The following IQCJ variants were observed in gnomAD, a reference collection of about 807,000 sequenced individuals.
IQCJ encodes the protein IQ motif containing J, also known as IQ domain-containing protein J.
In IQCJ, 9 loss-of-function variants were observed where a neutral mutation model predicts 11.0. The ratio of observed to expected loss-of-function variants is 0.82; its 90% confidence interval spans 0.49 to 1.43. The LOEUF (loss-of-function observed/expected upper bound fraction) is 1.43, where lower values mean the gene tolerates loss of function less well. IQCJ is among the 40% of genes most tolerant of loss of function. The pLI, the probability that IQCJ is intolerant of heterozygous loss-of-function variation, is 0.00. For missense variants in IQCJ, 146 were observed against 133.2 expected (o/e 1.10, Z -0.47); for synonymous variants, 55 against 51.3 (o/e 1.07, Z -0.31).
intron 1 of IQCJ, among the ~76,000 whole-genome samples, chr3:159,081,596 A>G (rs1716315602): frequency 6.6e-6 from 1 of 152,040 alleles, no homozygotes; most frequent in Admixed American, 6.6e-5. Context: ...TGAGCACATC[A>G]TTTTTTCAGT....
At chr3:159,194,382 A>C (rs1723860945) in intron 1 of IQCJ, among the ~76,000 whole-genome samples, 1 of 152,194 alleles carries the variant, frequency 6.6e-6, no homozygotes, top group Non-Finnish European at 1.5e-5. Flanking sequence ...ACTGGTAGCC[A>C]TTCTGACTTC....
chr3:159,134,839 T>G (rs949594), intron 1 of IQCJ, among the ~76,000 whole-genome samples: 102,273 of 152,080 alleles, frequency 0.67, 34,545 homozygotes, highest in East Asian at 0.71. Context: ...GGTGAATAAT[T>G]ACCTTATTTA....
chr3:159,129,785 A>G (rs539451198), intron 1 of IQCJ, among the ~76,000 whole-genome samples: 2 of 152,198 alleles, frequency 1.3e-5, no homozygotes, highest in Non-Finnish European at 2.9e-5. Flanking sequence ...ATACAGAGAT[A>G]TCCCCTAGGC....
chr3:159,207,621 A>T (rs1242553146), intron 1 of IQCJ, among the ~76,000 whole-genome samples: 2 of 152,346 alleles, frequency 1.3e-5, no homozygotes, highest in Admixed American at 6.5e-5. Context: ...TAATGGAGTC[A>T]TATTCTCGTA....
In IQCJ at chr3:159,131,089, G is replaced by A. The variant is rs1719960926; in HGVS notation, c.9+61648G>A. 1.3e-5 allele frequency among the ~76,000 whole-genome samples: 2 copies of A among 152,154 alleles called. 1 individual carries two copies. The highest frequency in any genetic ancestry group is 4.1e-4 in the South Asian group (2 of 4,828). On this transcript the variant is annotated intron_variant, in intron 1 of 3. Coordinates refer to ENST00000397832, the MANE Select transcript of IQCJ (RefSeq NM_001042706.3). ...ACAGCAAAGAGCTTGTGAATGTGAG[G>A]TACCACAAGAGCAGCATGGAGGAAT... is the stretch of plus-strand genomic sequence containing the variant.
At chr3:159,252,597 T>G (rs1727664758) in intron 2 of IQCJ, 130 bp from the exon 3 acceptor site, 1 of 836,116 alleles carries the variant, frequency 1.2e-6, no homozygotes, top group Non-Finnish European at 1.7e-6. Flanking sequence ...CAACAGGAAC[T>G]TTAATAAATT....
intron 1 of IQCJ, among the ~76,000 whole-genome samples, chr3:159,146,697 A>G (rs914421744): frequency 1.3e-5 from 2 of 152,246 alleles, no homozygotes; most frequent in African/African-American, 2.4e-5. Context: ...CCACAATATT[A>G]GAATTGGAAA....
intron 1 of IQCJ, among the ~76,000 whole-genome samples, chr3:159,091,156 A>G (rs1717249392): frequency 6.6e-6 from 1 of 151,786 alleles, no homozygotes; most frequent in Non-Finnish European, 1.5e-5. Context: ...CTACAATAAC[A>G]TTGATTAGAA....
intron 1 of IQCJ, among the ~76,000 whole-genome samples, chr3:159,117,260 G>A (rs1488160634): frequency 2.0e-5 from 3 of 152,036 alleles, no homozygotes; most frequent in Admixed American, 1.3e-4. Context: ...CTCTGTCCAG[G>A]TTCTCCTCCA....
chr3:159,171,917 C>A (rs528263015), intron 1 of IQCJ, among the ~76,000 whole-genome samples: 157 of 152,282 alleles, frequency 1.0e-3, no homozygotes, highest in Non-Finnish European at 2.0e-3. Flanking sequence ...GGTCCAAGGA[C>A]AACATTTTGA....
chr3:159,225,807 A>T (rs900179195), intron 1 of IQCJ, among the ~76,000 whole-genome samples: 1 of 152,110 alleles, frequency 6.6e-6, no homozygotes, highest in Non-Finnish European at 1.5e-5. Context: ...GGCTCAATCC[A>T]ACACTACCCC....
At chr3:159,144,989 C>T (rs1720841999) in intron 1 of IQCJ, among the ~76,000 whole-genome samples, 1 of 152,110 alleles carries the variant, frequency 6.6e-6, no homozygotes, top group Admixed American at 6.5e-5. Context: ...TGATCATATT[C>T]TTCTTTTTCC....
intron 1 of IQCJ, among the ~76,000 whole-genome samples, chr3:159,110,885 A>G (rs886150644): frequency 4.6e-5 from 7 of 152,166 alleles, no homozygotes; most frequent in African/African-American, 1.7e-4. Flanking sequence ...CAAACAAAAC[A>G]AAATCCAGTC....
At chr3:159,196,393 A>C (rs1256654299) in intron 1 of IQCJ, among the ~76,000 whole-genome samples, 1 of 152,250 alleles carries the variant, frequency 6.6e-6, no homozygotes, top group African/African-American at 2.4e-5. Flanking sequence ...TACGGCTCCC[A>C]AAATTGGTAT....
At chr3:159,164,467 A>G (rs941980272) in intron 1 of IQCJ, among the ~76,000 whole-genome samples, 4 of 152,180 alleles carry the variant, frequency 2.6e-5, no homozygotes, top group Non-Finnish European at 5.9e-5. Flanking sequence ...GCCTACTATA[A>G]TTAGAATTAG....
chr3:159,158,260 G>A (rs1721646136), intron 1 of IQCJ, among the ~76,000 whole-genome samples: 1 of 152,312 alleles, frequency 6.6e-6, no homozygotes, highest in East Asian at 1.9e-4. Context: ...CAGGGCTGAT[G>A]TATCTTACAG....
At chr3:159,248,031 C>G (rs961344475) in intron 2 of IQCJ, among the ~76,000 whole-genome samples, 2 of 152,108 alleles carry the variant, frequency 1.3e-5, no homozygotes, top group African/African-American at 2.4e-5. Context: ...TAAAAAATAT[C>G]CTGGAAAATT....
chr3:159,161,496 T>C (rs1273720084), intron 1 of IQCJ, among the ~76,000 whole-genome samples: 1 of 152,202 alleles, frequency 6.6e-6, no homozygotes, highest in Non-Finnish European at 1.5e-5. Context: ...CTCACTCTGA[T>C]GGTAGTTTCT....
intron 1 of IQCJ, among the ~76,000 whole-genome samples, chr3:159,087,414 AG>A (rs1403645125): frequency 1.4e-5 from 2 of 147,216 alleles, no homozygotes; most frequent in African/African-American, 5.0e-5. Context: ...CTTTGGTATC[AG>A]GATGATGCTG....
Sources: allele counts gnomAD v4.1 joint callset (sites outside exome capture counted in the v4.1 genomes callset), GRCh38; gene constraint gnomAD v4.1.1; transcripts MANE v1.5; gene names NCBI Gene and HGNC (gene_info 2026-07-23, HGNC 2026-07-21).